Variants in CLIC5 observed in about 807,000 individuals in gnomAD.
CLIC5 encodes CLIC family member 5.
In CLIC5, 20 loss-of-function variants were observed where a neutral mutation model predicts 24.7. The ratio of observed to expected loss-of-function variants is 0.81; its 90% confidence interval spans 0.57 to 1.18. The LOEUF is 1.18. Ranked by LOEUF, CLIC5 falls within the 50% of genes most tolerant of loss-of-function variation. The probability of loss-of-function intolerance (pLI) is 0.00; values close to 1 mark genes in which losing one functional copy is unlikely to be tolerated. For missense variants in CLIC5, 341 were observed against 326.1 expected, an observed-to-expected ratio of 1.05 and a Z score of -0.35; for synonymous variants, 159 against 135.6, an observed-to-expected ratio of 1.17 and a Z score of -1.20.
At chr6:45,922,823 A>AGAGAGAGAGAGAGAGAG (rs1763318438) in intron 4 of CLIC5, among the ~76,000 whole-genome samples, 3 of 140,614 alleles carry the variant, frequency 2.1e-5, no homozygotes, top group Non-Finnish European at 3.1e-5. Context: ...GAGAGAGAGA[A>AGAGAGAGAGAGAGAGAG]AGAGAGAGAG....
In CLIC5 at chr6:45,950,984, A is replaced by G. The variant is rs562271928; in HGVS notation, c.174-1603T>C. On this transcript the variant is annotated intron_variant, in intron 2 of 5. Coordinates refer to ENST00000339561, the MANE Select transcript of CLIC5 (RefSeq NM_016929.5). ...ACTTAAATGTTATCTTAAGTTAAAA[A>G]CAATTTATTTTCTAAGTAAATGCAA... Among the ~76,000 whole-genome samples the G allele has an allele frequency of 2.2e-4, 33 of 152,336 alleles. No individual in the cohort carries two copies. The South Asian group carries it at 6.4e-3, about 30-fold the overall frequency.
At chr6:46,108,055 AAC>A in the CLIC5 span, among the ~76,000 whole-genome samples, 5 of 150,764 alleles carry the variant, frequency 3.3e-5, no homozygotes, top group Non-Finnish European at 7.4e-5. Flanking sequence ...AAAAAAAAAA[AAC>A]CTCAATGGAT....
chr6:46,015,504 G>T lies in CLIC5; in HGVS notation c.39C>A (p.Asp13Glu), dbSNP rs376232343. ...CCTTCACAAAGAGCTCGATCTCGGG[G>T]TCCCTGTCGTCCCCGTTAGCTGTCG... ...DSATANGDDR[D>E]PEIELFVKAG... The change falls in exon 1 of 6, where the codon GAC becomes GAA. Residue 13 changes from aspartate (D) to glutamate (E), a missense_variant. Asp to Glu is a conservative substitution (Grantham distance 45, BLOSUM62 2). Transcript: ENST00000339561. 89 of 1,569,740 alleles carry T rather than the reference G, an allele frequency of 5.7e-5. No homozygotes were observed. The African/African-American group carries it at 1.1e-3, about 19-fold the overall frequency.
chr6:45,905,975 C>T (rs1762648970), intron 5 of CLIC5, among the ~76,000 whole-genome samples: 1 of 152,120 alleles, frequency 6.6e-6, no homozygotes, highest in African/African-American at 2.4e-5. Context: ...GAAGTCATTT[C>T]CCCATTGCTT....
chr6:45,925,080 ACT>A (rs1288539760), intron 4 of CLIC5, among the ~76,000 whole-genome samples: 15 of 152,118 alleles, frequency 9.9e-5, no homozygotes, highest in Non-Finnish European at 2.9e-5. Context: ...TTTGCCTGGA[ACT>A]CTCTACTCTC....
rs75572272 is a variant in CLIC5 at position 46,074,855 on chromosome 6, A to G, written c.540+4848T>C. On this transcript the variant is annotated intron_variant, in intron 1 of 5. Coordinates refer to the CLIC5 transcript ENST00000185206. The stretch of plus-strand genomic sequence containing the variant: ...CTAGGAAAGATTCCTTTCAAGGATG[A>G]AGAAATTTGGGTCCAGGGACATTTT... Among the ~76,000 whole-genome samples, 1,233 of 152,352 alleles carry G rather than the reference A, an allele frequency of 8.1e-3. 19 individuals are homozygous for G. Among genetic ancestry groups the G allele is most frequent in the African/African-American group, 0.027 (1,121 of 41,588 alleles).
chr6:45,926,194 TACACAC>T (rs376453758), intron 4 of CLIC5, among the ~76,000 whole-genome samples: 5 of 147,556 alleles, frequency 3.4e-5, no homozygotes, highest in African/African-American at 7.5e-5. Context: ...CACACACACA[TACACAC>T]ACACACACAC....
intron 1 of CLIC5, among the ~76,000 whole-genome samples, chr6:46,067,873 C>T (rs1762486149): frequency 6.6e-6 from 1 of 152,146 alleles, no homozygotes; most frequent in Admixed American, 6.6e-5. Context: ...ACTCATTCTT[C>T]CTTCAGACAG....
At chr6:45,950,351 A>C (rs546696946) in intron 2 of CLIC5, among the ~76,000 whole-genome samples, 53 of 152,056 alleles carry the variant, frequency 3.5e-4, no homozygotes, top group African/African-American at 1.3e-3. Context: ...ACTTGAGCCC[A>C]GGAGTTCGAG....
chr6:45,941,619 T>G lies in CLIC5; in HGVS notation c.334A>C (p.Asn112His), dbSNP rs564438778. 1 of 1,613,974 alleles carries G rather than the reference T, an allele frequency of 6.2e-7. No homozygotes were observed. Among genetic ancestry groups the G allele is most frequent in the South Asian group, 1.1e-5 (1 of 91,048 alleles). Residue 112 changes from asparagine (N) to histidine (H), a missense_variant, in exon 4 of 6, where the codon AAC becomes CAC. Coordinates refer to ENST00000339561, the MANE Select transcript of CLIC5 (RefSeq NM_016929.5). ...PKLAAKHRESNTAGIDIFSKF... is the reference protein window; with the variant it reads ...PKLAAKHRESHTAGIDIFSKF... Reference sequence around the variant, plus strand: ...GAAAAGATGTCGATGCCCGCTGTGTTGGATTCCCGGTGTTTTGCAGCCAGT... The same window carrying G: ...GAAAAGATGTCGATGCCCGCTGTGTGGGATTCCCGGTGTTTTGCAGCCAGT...
rs548116246 is a variant in CLIC5 at position 46,029,495 on chromosome 6, G to C, written c.540+50208C>G. The stretch of plus-strand genomic sequence containing the variant: ...CTAGAAAGTGGAAGAGCCAGGACTA[G>C]CCTCTGTGACTCTCCAATGTACCTT... On this transcript the variant is annotated intron_variant, in intron 1 of 5. Coordinates refer to the CLIC5 transcript ENST00000185206. Among the ~76,000 whole-genome samples, 3 of 152,314 alleles carry C rather than the reference G, an allele frequency of 2.0e-5. No homozygotes were observed. The South Asian group carries it at 6.2e-4, about 32-fold the overall frequency.
At chr6:45,889,056 C>T (rs1220596932) in intron 6 of CLIC5, among the ~76,000 whole-genome samples, 2 of 152,112 alleles carry the variant, frequency 1.3e-5, no homozygotes, top group Non-Finnish European at 1.5e-5. Context: ...GAGGTGATCC[C>T]TATATACCTA....
intron 1 of CLIC5, among the ~76,000 whole-genome samples, chr6:46,036,671 A>G (rs972430889): frequency 1.3e-5 from 2 of 152,202 alleles, no homozygotes; most frequent in African/African-American, 4.8e-5. Flanking sequence ...TTCACAGTGT[A>G]TACATAGTGC....
chr6:45,990,368 C>G (rs1357679159), intron 1 of CLIC5, among the ~76,000 whole-genome samples: 1 of 152,168 alleles, frequency 6.6e-6, no homozygotes, highest in Non-Finnish European at 1.5e-5. Flanking sequence ...AATATAACTG[C>G]CTGAACGAAA....
At chr6:45,950,407 AAAAC>A (rs1258916295) in intron 2 of CLIC5, among the ~76,000 whole-genome samples, 3 of 151,854 alleles carry the variant, frequency 2.0e-5, no homozygotes, top group Non-Finnish European at 4.4e-5. Context: ...ACAAAAAAAA[AAAAC>A]AAACAAAAAT....
intron 4 of CLIC5, among the ~76,000 whole-genome samples, chr6:45,923,416 T>A (rs989939412): frequency 1.3e-5 from 2 of 152,240 alleles, no homozygotes; most frequent in Non-Finnish European, 2.9e-5. Context: ...TCTTGTTTCA[T>A]CCTCAAATAG....
chr6:45,965,274 T>G (rs1485088608), intron 1 of CLIC5, among the ~76,000 whole-genome samples: 1 of 152,210 alleles, frequency 6.6e-6, no homozygotes, highest in Non-Finnish European at 1.5e-5. Flanking sequence ...GATAGATACA[T>G]GCATGTCTGT....
chr6:46,009,098 T>C, intron 1 of CLIC5, among the ~76,000 whole-genome samples: 1 of 151,922 alleles, frequency 6.6e-6, no homozygotes, highest in Non-Finnish European at 1.5e-5. Flanking sequence ...AGTGACTCTT[T>C]CATGCCCCAA....
chr6:45,883,251 G>C (rs536424421), intron 6 of CLIC5, among the ~76,000 whole-genome samples: 1 of 152,292 alleles, frequency 6.6e-6, no homozygotes, highest in South Asian at 2.1e-4. Flanking sequence ...CCCACCACTT[G>C]TTAGCATACA....
Sources: allele counts gnomAD v4.1 joint callset (sites outside exome capture counted in the v4.1 genomes callset), GRCh38; gene constraint gnomAD v4.1.1; transcripts MANE v1.5; gene names NCBI Gene and HGNC (gene_info 2026-07-23, HGNC 2026-07-21).